The following IPO5 variants were observed in gnomAD, a reference collection of about 807,000 sequenced individuals.
The protein encoded by IPO5 is importin 5, also known as importin-5.
A neutral mutation model predicts 143.3 loss-of-function variants in IPO5; 18 were observed. The ratio of observed to expected loss-of-function variants is 0.13; its 90% CI spans 0.09 to 0.19. IPO5 has a LOEUF of 0.19. Ranked by LOEUF, IPO5 falls within the 10% of genes least tolerant of loss-of-function variation. The pLI is 1.00. For synonymous variants in IPO5, 477 were observed against 465.7 expected (o/e 1.02, Z -0.31); for missense variants, 1,013 against 1,336.9 (o/e 0.76, Z 3.78).
intron 3 of IPO5, among the ~76,000 whole-genome samples, chr13:97,975,276 G>A (rs1026772377): frequency 2.6e-5 from 4 of 151,790 alleles, no homozygotes; most frequent in Non-Finnish European, 5.9e-5. Flanking sequence ...ATCGCCTGAG[G>A]TCAGGAGTTC....
rs139318088 is a variant in IPO5 at position 97,979,394 on chromosome 13, A to C, written c.90+2608A>C. Reference sequence around the variant, plus strand: ...TTTTTCGTCGTATATGCCATTTAGTAGGCTTTATAGTTTATTTCTATTTTT... The same window carrying C: ...TTTTTCGTCGTATATGCCATTTAGTCGGCTTTATAGTTTATTTCTATTTTT... On this transcript the variant is annotated intron_variant, in intron 4 of 28. Transcript: ENST00000651721. Among the ~76,000 whole-genome samples the C allele has an allele frequency of 3.5e-3, 539 of 152,314 alleles. 4 individuals carry two copies. The highest frequency in any genetic ancestry group is 0.012 in the African/African-American group (502 of 41,578).
At chr13:97,961,970 A>T (rs1218305029) in intron 2 of IPO5, among the ~76,000 whole-genome samples, 4 of 152,026 alleles carry the variant, frequency 2.6e-5, no homozygotes, top group Non-Finnish European at 5.9e-5. Flanking sequence ...CTCTACTAAA[A>T]ATACAAAAAT....
At chr13:97,983,071 A>G (rs942725270) in intron 5 of IPO5, among the ~76,000 whole-genome samples, 1 of 152,060 alleles carries the variant, frequency 6.6e-6, no homozygotes, top group African/African-American at 2.4e-5. Flanking sequence ...GGGTTTTGCC[A>G]TGTTGGCCAG....
At chr13:97,983,191 G>A (rs1887002055) in intron 5 of IPO5, among the ~76,000 whole-genome samples, 1 of 152,156 alleles carries the variant, frequency 6.6e-6, no homozygotes, top group African/African-American at 2.4e-5. Flanking sequence ...GCTTTTTGCA[G>A]CTAAAAGTTT....
At chr13:97,972,758 C>G (rs1042108073) in intron 3 of IPO5, among the ~76,000 whole-genome samples, 2 of 152,106 alleles carry the variant, frequency 1.3e-5, no homozygotes, top group African/African-American at 4.8e-5. Context: ...TCAAAGTTTT[C>G]TATCCTTGCA....
Position 97,967,717 on chromosome 13 carries a change from C to T in IPO5, c.-112-2006C>T, listed in dbSNP as rs1162417290. On this transcript the variant is annotated intron_variant, in intron 2 of 28. Coordinates refer to ENST00000651721, the MANE Select transcript of IPO5 (RefSeq NM_002271.6). ...CTCGATCTCAGCTCACTGCAAGCTC[C>T]GCCTCCCGGGTTCATGCCATTCTCC... is the stretch of plus-strand genomic sequence containing the variant. 3.3e-5 allele frequency among the ~76,000 whole-genome samples: 5 copies of T among 151,974 alleles called. No individual in the cohort carries two copies. In the East Asian group the frequency reaches 7.7e-4, roughly 23 times the overall value.
intron 6 of IPO5, among the ~76,000 whole-genome samples, chr13:97,987,792 A>G (rs1286240991): frequency 1.3e-5 from 2 of 152,182 alleles, no homozygotes; most frequent in Non-Finnish European, 2.9e-5. Flanking sequence ...CATGAGCCAC[A>G]GCGCCCAGCC....
Position 97,976,753 on chromosome 13 carries a change from C to T in IPO5, c.57C>T (p.Leu19=). The change falls in exon 4 of 29, where the codon CTC becomes CTT. Residue 19 remains leucine, a synonymous_variant. Transcript: ENST00000651721. ...TCTACCTGCTCCTGGGAAACCTGCT[C>T]AGCCCCGACAATGTGGTCCGGAAAC... is the stretch of plus-strand genomic sequence containing the variant. The part of the protein sequence containing the change: ...QQFYLLLGNL[L]SPDNVVRKQA... 11 of 1,416,382 alleles carry T rather than the reference C, an allele frequency of 7.8e-6. No homozygotes were observed. Among genetic ancestry groups the T allele is most frequent in the South Asian group, 6.0e-5 (5 of 83,644 alleles). The allele number at this position is 1,416,382 out of a possible 1,614,324, so 87.7% of individuals were successfully genotyped here. A position where few individuals can be genotyped will look rare whatever the true frequency, so the allele number is the denominator to read the frequency against.
Position 98,002,654 on chromosome 13 carries a change from C to G in IPO5, c.1234-30C>G, listed in dbSNP as rs1304657425. 1.9e-6 allele frequency: 3 copies of G among 1,606,300 alleles called. No homozygotes were observed. In the Admixed American group the frequency reaches 5.1e-5, roughly 27 times the overall value. ...GTAGCTTCATGTGGAAACCTTCTTG[C>G]TTTTACTAATGAAAGGGAACATTTT... On this transcript the variant is annotated intron_variant, in intron 14 of 28. Coordinates refer to ENST00000651721, the MANE Select transcript of IPO5 (RefSeq NM_002271.6).
intron 28 of IPO5, 155 bp downstream of exon 28, chr13:98,021,288 A>T (rs1318295032): frequency 1.7e-6 from 1 of 585,728 alleles, no homozygotes; most frequent in Non-Finnish European, 2.8e-6. Context: ...ATTATACTTA[A>T]TGTAATCCAT....
Position 98,019,751 on chromosome 13 carries a change from C to A in IPO5, c.3007C>A (p.His1003Asn). 1 of 1,614,070 alleles carries A rather than the reference C, an allele frequency of 6.2e-7. No homozygotes were observed. The highest frequency in any genetic ancestry group is 1.1e-5 in the South Asian group (1 of 91,078). Residue 1003 changes from histidine to asparagine, a missense_variant, in exon 27 of 29, where the codon CAT becomes AAT. Physicochemically the swap from His to Asn is moderately conservative, Grantham distance 68. Around this residue, in one of 2 missense-constraint regions of IPO5, gnomAD observed 685 missense variants for 994.9 expected, o/e 0.69. Coordinates refer to ENST00000651721, the MANE Select transcript of IPO5 (RefSeq NM_002271.6). ...LPHWLSWLPLHEDKEEAVQTF... is the reference protein window; with the variant it reads ...LPHWLSWLPLNEDKEEAVQTF... ...ACACTGGTTGTCTTGGCTTCCACTA[C>A]ATGAAGATAAAGAAGAAGCTGTTCA...
intron 2 of IPO5, among the ~76,000 whole-genome samples, chr13:97,958,103 A>G (rs932898992): frequency 6.6e-6 from 1 of 152,248 alleles, no homozygotes; most frequent in Non-Finnish European, 1.5e-5. Flanking sequence ...TATATAAACT[A>G]GAAACCTCCA....
chr13:98,010,331 T>C (rs995804534), intron 20 of IPO5, 107 bp downstream of exon 20: 42 of 992,474 alleles, frequency 4.2e-5, no homozygotes, highest in Non-Finnish European at 5.1e-5. Context: ...GCCAGTAATA[T>C]GTTCCTTAAA....
intron 2 of IPO5, among the ~76,000 whole-genome samples, chr13:97,961,889 G>A (rs1321461874): frequency 6.6e-6 from 1 of 152,130 alleles, no homozygotes; most frequent in Non-Finnish European, 1.5e-5. Flanking sequence ...AGCACTTTGG[G>A]AGACCAAAGT....
chr13:97,962,647 G>A (rs1884986116), intron 2 of IPO5, among the ~76,000 whole-genome samples: 1 of 152,034 alleles, frequency 6.6e-6, no homozygotes, highest in South Asian at 2.1e-4. Flanking sequence ...TGAAACCCCT[G>A]TCTCTATTAA....
Position 98,019,567 on chromosome 13 carries a change from A to T in IPO5, c.2837-14A>T. 6.3e-7 allele frequency: 1 copy of T among 1,583,868 alleles called. No individual in the cohort carries two copies. The highest frequency in any genetic ancestry group is 1.1e-5 in the South Asian group (1 of 89,496). ...TGAGGTTTTAGCTGAACTTCTTTCA[A>T]ATGCTTATTTTAGAAGCACTTCCCC... is the stretch of plus-strand genomic sequence containing the variant. On this transcript the variant is annotated splice_polypyrimidine_tract_variant and intron_variant, in intron 26 of 28. Coordinates refer to ENST00000651721, the MANE Select transcript of IPO5 (RefSeq NM_002271.6).
At chr13:97,960,236 G>C (rs9517144) in intron 2 of IPO5, 1 of 152,178 alleles carries the variant, frequency 6.6e-6, no homozygotes, top group Non-Finnish European at 1.5e-5. Flanking sequence ...TATGTCATGT[G>C]TCCAAATTGT....
Position 98,015,533 on chromosome 13 carries a change from A to G in IPO5, c.2329A>G (p.Ile777Val). Reference sequence around the variant, plus strand: ...TTTCTTTCCTCAACCTCATTAGTGCATTGAAGTAATGGGAGATGGATGCCT... The same window carrying G: ...TTTCTTTCCTCAACCTCATTAGTGCGTTGAAGTAATGGGAGATGGATGCCT... Reference protein sequence around the residue: ...SEIMHSFAKCIEVMGDGCLNN... With the variant: ...SEIMHSFAKCVEVMGDGCLNN... Residue 777 changes from isoleucine (I) to valine (V), a missense_variant, in exon 23 of 29, where the codon ATT becomes GTT. Coordinates refer to ENST00000651721, the MANE Select transcript of IPO5 (RefSeq NM_002271.6). 1.9e-6 allele frequency: 3 copies of G among 1,583,930 alleles called. No individual in the cohort carries two copies. Among genetic ancestry groups the G allele is most frequent in the African/African-American group, 1.3e-5 (1 of 74,308 alleles).
At chr13:97,982,301 T>C (rs949823460) in intron 4 of IPO5, among the ~76,000 whole-genome samples, 3 of 152,206 alleles carry the variant, frequency 2.0e-5, no homozygotes, top group Non-Finnish European at 4.4e-5. Context: ...AAGAGATATA[T>C]GTAGAAAGGA....
Sources: allele counts gnomAD v4.1 joint callset (sites outside exome capture counted in the v4.1 genomes callset), GRCh38; gene constraint gnomAD v4.1.1; regional missense constraint gnomAD v4.1.1; transcripts MANE v1.5; gene names NCBI Gene and HGNC (gene_info 2026-07-23, HGNC 2026-07-21).